Variants in CD14 observed in about 807,000 individuals in gnomAD.
CD14 encodes the protein monocyte differentiation antigen CD14.
CD14 carries 4 observed loss-of-function variants against 2.5 expected under a neutral mutation model. The observed-to-expected ratio is 1.63, with a 90% CI of 0.80 to 3.72. The LOEUF (loss-of-function observed/expected upper bound fraction) is 3.72, where lower values mean the gene tolerates loss of function less well. Among genes scored for constraint, CD14 ranks in the 30% most tolerant of loss-of-function variants. The pLI is 0.01. For synonymous variants in CD14, 236 were observed against 235.1 expected, an observed-to-expected ratio of 1.00 and a Z score of -0.04; for missense variants, 478 against 497.8, an observed-to-expected ratio of 0.96 and a Z score of 0.38.
rs199667450 is a variant in CD14 at position 140,632,747 on chromosome 5, C to A, written c.237G>T (p.Pro79=). ...FLKRVDADAD[P]RQYADTVKAL... ...CCTTGACCGTGTCAGCATACTGCCG[C>A]GGGTCGGCGTCCGCATCGACGCGCT... The change falls in exon 2 of 2, where the codon CCG becomes CCT. Residue 79 remains proline (P), a synonymous_variant. Coordinates refer to ENST00000302014, the MANE Select transcript of CD14 (RefSeq NM_000591.4). The surrounding 1 kb of genome is among the most constrained non-coding windows in gnomAD (Gnocchi z 6.2). 3.7e-6 allele frequency: 6 copies of A among 1,613,360 alleles called. No homozygotes were observed. Among genetic ancestry groups the A allele is most frequent in the South Asian group, 1.1e-5 (1 of 91,086 alleles).
chr5:140,632,342 C>A lies in CD14; in HGVS notation c.642G>T (p.Ala214=). 6.2e-7 allele frequency: 1 copy of A among 1,614,076 alleles called. No homozygotes were observed. The highest frequency in any genetic ancestry group is 8.5e-7 in the Non-Finnish European group (1 of 1,180,040). ...CCGGGAACTTGTGGGGACAGAGAGC[C>A]GCCATCAGTCCGCGTTCGCCCAGTC... ...NPGLGERGLM[A]ALCPHKFPAI... The change falls in exon 2 of 2, where the codon GCG becomes GCT. Residue 214 remains alanine, a synonymous_variant. Transcript: ENST00000302014. The surrounding 1 kb of genome is among the most constrained non-coding windows in gnomAD (Gnocchi z 6.2).
In CD14 at chr5:140,632,573, C is replaced by T; in HGVS notation, c.411G>A (p.Leu137=). ...KITGTMPPLP[L]EATGLALSSL... ...TGGAAAGTGCAAGTCCTGTGGCTTC[C>T]AGAGGCAGCGGAGGCATGGTGCCGG... Residue 137 remains leucine, a synonymous_variant, in exon 2 of 2, where the codon CTG becomes CTA. Coordinates refer to ENST00000302014, the MANE Select transcript of CD14 (RefSeq NM_000591.4). The surrounding 1 kb of genome is among the most constrained non-coding windows in gnomAD (Gnocchi z 6.2). 1 of 1,614,110 alleles carries T rather than the reference C, an allele frequency of 6.2e-7. No homozygotes were observed. The highest frequency in any genetic ancestry group is 8.5e-7 in the Non-Finnish European group (1 of 1,180,036).
chr5:140,631,851 G>A lies in CD14; in HGVS notation c.*5C>T, dbSNP rs763789694. The A allele has an allele frequency of 6.5e-7, 1 of 1,543,656 alleles. No homozygotes were observed. The highest frequency in any genetic ancestry group is 8.8e-7 in the Non-Finnish European group (1 of 1,141,930). Reference sequence around the variant, plus strand: ...TTGAGTCCATTCATTATTCTGTCTTGGATCTTAGGCAAAGCCCCGGGCCCC... The same window carrying A: ...TTGAGTCCATTCATTATTCTGTCTTAGATCTTAGGCAAAGCCCCGGGCCCC... On this transcript the variant is annotated 3_prime_UTR_variant, in exon 2 of 2. Transcript: ENST00000302014.
In CD14 at chr5:140,632,949, A is replaced by G; in HGVS notation, c.35T>C (p.Leu12Pro). Reference protein sequence around the residue: ...ERASCLLLLLLPLVHVSATTP... With the variant: ...ERASCLLLLLPPLVHVSATTP... ...GGTCGCAGAGACGTGCACCAGCGGC[A>G]GCAGCAGCAGCAACAAGCAGGACGC... is the stretch of plus-strand genomic sequence containing the variant. The change falls in exon 2 of 2, where the codon CTG becomes CCG. Residue 12 changes from leucine to proline, a missense_variant. Physicochemically the swap from Leu to Pro is moderately conservative, Grantham distance 98. Transcript: ENST00000302014. This position sits in a 1 kb window ranked among gnomAD's most constrained non-coding sequence, Gnocchi z 6.2. 4 of 1,613,308 alleles carry G rather than the reference A, an allele frequency of 2.5e-6. No homozygotes were observed. Among genetic ancestry groups the G allele is most frequent in the South Asian group, 2.2e-5 (2 of 91,004 alleles).
At position 140,632,433 on chromosome 5, in the gene CD14, G is replaced by T. The variant is rs1756618326; in HGVS notation, c.551C>A (p.Ala184Asp). 1 of 1,614,220 alleles carries T rather than the reference G, an allele frequency of 6.2e-7. No individual in the cohort carries two copies. Among genetic ancestry groups the T allele is most frequent in the Non-Finnish European group, 8.5e-7 (1 of 1,180,048 alleles). The change falls in exon 2 of 2, where the codon GCC (alanine) becomes GAC (aspartate). Residue 184 changes from alanine (A) to aspartate (D), a missense_variant. By Grantham distance (126) the Ala-to-Asp change is moderately radical (BLOSUM62 -2). Coordinates refer to ENST00000302014, the MANE Select transcript of CD14 (RefSeq NM_000591.4). The surrounding 1 kb of genome is among the most constrained non-coding windows in gnomAD (Gnocchi z 6.2). ...VLSIAQAHSPAFSCEQVRAFP... is the reference protein window; with the variant it reads ...VLSIAQAHSPDFSCEQVRAFP... Reference sequence around the variant, plus strand: ...GGCGCGAACCTGTTCGCAGGAAAAGGCAGGCGAGTGTGCTTGGGCAATGCT... The same window carrying T: ...GGCGCGAACCTGTTCGCAGGAAAAGTCAGGCGAGTGTGCTTGGGCAATGCT...
In CD14 at chr5:140,632,722, C is replaced by T; in HGVS notation, c.262G>A (p.Ala88Thr). The T allele has an allele frequency of 6.2e-7, 1 of 1,613,686 alleles. No homozygotes were observed. Among genetic ancestry groups the T allele is most frequent in the Non-Finnish European group, 8.5e-7 (1 of 1,180,006 alleles). Residue 88 changes from alanine to threonine, a missense_variant, in exon 2 of 2, where the codon GCT becomes ACT. By Grantham distance (58) the Ala-to-Thr change is moderately conservative. Transcript: ENST00000302014. This position sits in a 1 kb window ranked among gnomAD's most constrained non-coding sequence, Gnocchi z 6.2. ...DPRQYADTVK[A>T]LRVRRLTVGA... ...ACTGTGAGCCGCCGCACGCGGAGAG[C>T]CTTGACCGTGTCAGCATACTGCCGC...
At chr5:140,633,372 G>T (rs2149782401), upstream of CD14, 1 of 537,602 alleles carries the variant, frequency 1.9e-6, no homozygotes, top group South Asian at 2.0e-5. Context: ...AGGGTTCTGT[G>T]TCTCCTGGCA....
chr5:140,632,703 A>T lies in CD14; in HGVS notation c.281T>A (p.Leu94His), dbSNP rs1196302685. 19 of 1,613,558 alleles carry T rather than the reference A, an allele frequency of 1.2e-5. No individual in the cohort carries two copies. Among genetic ancestry groups the T allele is most frequent in the Non-Finnish European group, 1.6e-5 (19 of 1,180,000 alleles). The change falls in exon 2 of 2, where the codon CTC becomes CAC. Residue 94 changes from leucine to histidine, a missense_variant. Leu to His is a moderately conservative substitution (Grantham distance 99). Transcript: ENST00000302014. The surrounding 1 kb of genome is among the most constrained non-coding windows in gnomAD (Gnocchi z 6.2). ...AGGAACCTGTGCGGCTCCCACTGTG[A>T]GCCGCCGCACGCGGAGAGCCTTGAC... ...DTVKALRVRR[L>H]TVGAAQVPAQ...
At position 140,631,779 on chromosome 5, in the gene CD14, G is replaced by A; in HGVS notation, c.*77C>T. ...GGTGGGGCAAAGGGTTGAATTGGTC[G>A]AAAAGTCCTCAACGTCCTGACGGGA... On this transcript the variant is annotated 3_prime_UTR_variant, in exon 2 of 2. Coordinates refer to ENST00000302014, the MANE Select transcript of CD14 (RefSeq NM_000591.4). 1.4e-6 allele frequency: 2 copies of A among 1,385,136 alleles called. No individual in the cohort carries two copies. The highest frequency in any genetic ancestry group is 2.3e-5 in the Admixed American group (1 of 43,770). 85.8% of individuals were successfully genotyped at this position (1,385,136 alleles called of 1,614,324 possible). A position where few individuals can be genotyped will look rare whatever the true frequency, so the allele number is the denominator to read the frequency against.
chr5:140,632,015 G>T lies in CD14; in HGVS notation c.969C>A (p.Asn323Lys). Residue 323 changes from asparagine to lysine, a missense_variant, in exon 2 of 2, where the codon AAC becomes AAA. Asn to Lys is a moderately conservative substitution (Grantham distance 94). Coordinates refer to ENST00000302014, the MANE Select transcript of CD14 (RefSeq NM_000591.4). This position sits in a 1 kb window ranked among gnomAD's most constrained non-coding sequence, Gnocchi z 6.2. The stretch of plus-strand genomic sequence containing the variant: ...GGAAGGGATTCCCGTCCAGTGTCAG[G>T]TTATCCACCTCGGGCAGCTCGTCAG... Reference protein sequence around the residue: ...PQPDELPEVDNLTLDGNPFLV... With the variant: ...PQPDELPEVDKLTLDGNPFLV... 1.2e-6 allele frequency: 2 copies of T among 1,614,196 alleles called. No homozygotes were observed. The highest frequency in any genetic ancestry group is 1.7e-6 in the Non-Finnish European group (2 of 1,180,022).
chr5:140,631,757 G>A lies in CD14; in HGVS notation c.*99C>T, dbSNP rs1157596066. On this transcript the variant is annotated 3_prime_UTR_variant, in exon 2 of 2. Coordinates refer to ENST00000302014, the MANE Select transcript of CD14 (RefSeq NM_000591.4). ...CGTTGTTTAAGATTTTAATAAAGGT[G>A]GGGCAAAGGGTTGAATTGGTCGAAA... 3 of 1,107,976 alleles carry A rather than the reference G, an allele frequency of 2.7e-6. No individual in the cohort carries two copies. The African/African-American group carries it at 4.7e-5, about 17-fold the overall frequency. 68.6% of individuals were successfully genotyped at this position (1,107,976 alleles called of 1,614,324 possible).
Position 140,632,159 on chromosome 5 carries a change from G to A in CD14, c.825C>T (p.Ser275=), listed in dbSNP as rs1320221598. The part of the protein sequence containing the change: ...VNPSAPRCMW[S]SALNSLNLSF... ...ACAGATTGAGGGAGTTCAGGGCGCT[G>A]GACCACATGCATCTCGGAGCGCTAG... Residue 275 remains serine (S), a synonymous_variant, in exon 2 of 2, where the codon TCC becomes TCT. Transcript: ENST00000302014. This position sits in a 1 kb window ranked among gnomAD's most constrained non-coding sequence, Gnocchi z 6.2. The A allele has an allele frequency of 3.7e-6, 6 of 1,614,134 alleles. No individual in the cohort carries two copies. The highest frequency in any genetic ancestry group is 5.1e-6 in the Non-Finnish European group (6 of 1,179,974).
In CD14 at chr5:140,631,766, G is replaced by T. The variant is rs1756579445; in HGVS notation, c.*90C>A. ...AGATTTTAATAAAGGTGGGGCAAAGGGTTGAATTGGTCGAAAAGTCCTCAA... is the reference window on the plus strand; with the variant it reads ...AGATTTTAATAAAGGTGGGGCAAAGTGTTGAATTGGTCGAAAAGTCCTCAA... On this transcript the variant is annotated 3_prime_UTR_variant, in exon 2 of 2. Coordinates refer to ENST00000302014, the MANE Select transcript of CD14 (RefSeq NM_000591.4). 8.3e-7 allele frequency: 1 copy of T among 1,207,134 alleles called. No homozygotes were observed. The highest frequency in any genetic ancestry group is 1.2e-6 in the Non-Finnish European group (1 of 852,570). The allele number at this position is 1,207,134 out of a possible 1,614,324, so 74.8% of individuals were successfully genotyped here.
In CD14 at chr5:140,632,002, C is replaced by G. The variant is rs141597466; in HGVS notation, c.982G>C (p.Gly328Arg). The change falls in exon 2 of 2, where the codon GGG becomes CGG. Residue 328 changes from glycine (G) to arginine (R), a missense_variant. Gly to Arg is a moderately radical substitution (Grantham distance 125). Transcript: ENST00000302014. The surrounding 1 kb of genome is among the most constrained non-coding windows in gnomAD (Gnocchi z 6.2). ...LPEVDNLTLDGNPFLVPGTAL... is the reference protein window; with the variant it reads ...LPEVDNLTLDRNPFLVPGTAL... ...GTTCCAGGGACCAGGAAGGGATTCCCGTCCAGTGTCAGGTTATCCACCTCG... is the reference window on the plus strand; with the variant it reads ...GTTCCAGGGACCAGGAAGGGATTCCGGTCCAGTGTCAGGTTATCCACCTCG... 2 of 1,613,978 alleles carry G rather than the reference C, an allele frequency of 1.2e-6. No homozygotes were observed. Among genetic ancestry groups the G allele is most frequent in the South Asian group, 1.1e-5 (1 of 91,094 alleles).
Position 140,632,010 on chromosome 5 carries a change from GT to G in CD14, c.973del (p.Thr325HisfsTer20). ...GACCAGGAAGGGATTCCCGTCCAGTGTCAGGTTATCCACCTCGGGCAGCTCG... is the reference window on the plus strand; with the variant it reads ...GACCAGGAAGGGATTCCCGTCCAGTGCAGGTTATCCACCTCGGGCAGCTCG... ...PDELPEVDNL[T>X]LDGNPFLVPG... On this transcript the variant is annotated frameshift_variant, in exon 2 of 2. Transcript: ENST00000302014. LOFTEE classifies it low-confidence loss of function (END_TRUNC). The surrounding 1 kb of genome is among the most constrained non-coding windows in gnomAD (Gnocchi z 6.2). 3 of 1,614,212 alleles carry G rather than the reference GT, an allele frequency of 1.9e-6. No individual in the cohort carries two copies. Among genetic ancestry groups the G allele is most frequent in the Non-Finnish European group, 2.5e-6 (3 of 1,180,018 alleles).
Position 140,632,318 on chromosome 5 carries a change from C to T in CD14, c.666G>A (p.Pro222=). Residue 222 remains proline (P), a synonymous_variant, in exon 2 of 2, where the codon CCG becomes CCA. Coordinates refer to ENST00000302014, the MANE Select transcript of CD14 (RefSeq NM_000591.4). The surrounding 1 kb of genome is among the most constrained non-coding windows in gnomAD (Gnocchi z 6.2). ...LMAALCPHKF[P]AIQNLALRNT... ...TGCGCAGCGCTAGATTCTGGATGGCCGGGAACTTGTGGGGACAGAGAGCCG... is the reference window on the plus strand; with the variant it reads ...TGCGCAGCGCTAGATTCTGGATGGCTGGGAACTTGTGGGGACAGAGAGCCG... 3 of 1,613,996 alleles carry T rather than the reference C, an allele frequency of 1.9e-6. No homozygotes were observed.
chr5:140,632,801 GGCATGGATCT>G lies in CD14; in HGVS notation c.173_182del (p.Glu58AlafsTer6). 6.2e-7 allele frequency: 1 copy of G among 1,613,760 alleles called. No homozygotes were observed. The highest frequency in any genetic ancestry group is 8.5e-7 in the Non-Finnish European group (1 of 1,180,032). On this transcript the variant is annotated frameshift_variant, in exon 2 of 2. Transcript: ENST00000302014. LOFTEE classifies it low-confidence loss of function (END_TRUNC). This position sits in a 1 kb window ranked among gnomAD's most constrained non-coding sequence, Gnocchi z 6.2. ...GAAACGGCTCTAGGTTGAGACCGCC[GGCATGGATCT>G]CCACCTCTACTGCAGACACACACTG... is the stretch of plus-strand genomic sequence containing the variant.
Position 140,632,172 on chromosome 5 carries a change from C to T in CD14, c.812G>A (p.Arg271Lys), listed in dbSNP as rs1250484553. 1 of 1,614,018 alleles carries T rather than the reference C, an allele frequency of 6.2e-7. No individual in the cohort carries two copies. Among genetic ancestry groups the T allele is most frequent in the Admixed American group, 1.7e-5 (1 of 60,028 alleles). The change falls in exon 2 of 2, where the codon AGA becomes AAA. Residue 271 changes from arginine (R) to lysine (K), a missense_variant. Coordinates refer to ENST00000302014, the MANE Select transcript of CD14 (RefSeq NM_000591.4). This position sits in a 1 kb window ranked among gnomAD's most constrained non-coding sequence, Gnocchi z 6.2. ...LRATVNPSAP[R>K]CMWSSALNSL... is the part of the protein sequence containing the mutation. ...GTTCAGGGCGCTGGACCACATGCAT[C>T]TCGGAGCGCTAGGGTTTACGGTGGC...
In CD14 at chr5:140,631,818, A is replaced by G. The variant is rs1172925935; in HGVS notation, c.*38T>C. 1 of 1,513,720 alleles carries G rather than the reference A, an allele frequency of 6.6e-7. No homozygotes were observed. 93.8% of individuals were successfully genotyped at this position (1,513,720 alleles called of 1,614,324 possible). A position where few individuals can be genotyped will look rare whatever the true frequency, so the allele number is the denominator to read the frequency against. Reference sequence around the variant, plus strand: ...GTCCTGACGGGACTCCCCTGAAGCCAAGGCAGTTTGAGTCCATTCATTATT... The same window carrying G: ...GTCCTGACGGGACTCCCCTGAAGCCGAGGCAGTTTGAGTCCATTCATTATT... On this transcript the variant is annotated 3_prime_UTR_variant, in exon 2 of 2. Transcript: ENST00000302014.
Sources: gnomAD v4.1 joint callset for allele counts on GRCh38, gnomAD v4.1.1 for gene constraint, Gnocchi (gnomAD v3.1) non-coding constraint, MANE v1.5 for transcripts, NCBI Gene and HGNC (gene_info 2026-07-23, HGNC 2026-07-21) for gene names.